CCDC74A: variants seen among roughly 807,000 people sequenced by gnomAD.
CCDC74A encodes coiled-coil domain containing 74A.
In CCDC74A, 38 loss-of-function variants were observed where a neutral mutation model predicts 37.6. The observed-to-expected ratio is 1.01, with a 90% confidence interval of 0.78 to 1.33. The LOEUF (loss-of-function observed/expected upper bound fraction) is 1.33, where lower values mean the gene tolerates loss of function less well. Ranked by LOEUF, CCDC74A falls within the 40% of genes most tolerant of loss-of-function variation. CCDC74A has a pLI of 0.00. For missense variants in CCDC74A, 340 were observed against 403.4 expected, an observed-to-expected ratio of 0.84 and a Z score of 1.35; for synonymous variants, 134 against 165.2, an observed-to-expected ratio of 0.81 and a Z score of 1.45.
In CCDC74A at chr2:131,528,114, A is replaced by G; in HGVS notation, c.144A>G (p.Lys48=). The G allele has an allele frequency of 1.2e-6, 2 of 1,613,754 alleles. No individual in the cohort carries two copies. Among genetic ancestry groups the G allele is most frequent in the Non-Finnish European group, 1.7e-6 (2 of 1,179,812 alleles). Residue 48 remains lysine, a synonymous_variant, in exon 1 of 8, where the codon AAA becomes AAG. Coordinates refer to ENST00000409856, the MANE Select transcript of CCDC74A (RefSeq NM_001258306.3). ...AGCTCAGGCAGAGCGACCCGCAGAA[A>G]CGGAACCTGGACCTGGAGAAAAGCC... ...SPQLRQSDPQ[K]RNLDLEKSLQ... is the part of the protein sequence containing the mutation.
intron 2 of CCDC74A, chr2:131,530,063 C>T: frequency 1.3e-6 from 2 of 1,550,426 alleles, no homozygotes; most frequent in Non-Finnish European, 1.7e-6. Context: ...ATTTCCAGCC[C>T]TATGGCTCTG....
upstream of CCDC74A, among the ~76,000 whole-genome samples, chr2:131,522,679 C>G (rs1266130108): frequency 1.3e-5 from 2 of 152,174 alleles, no homozygotes; most frequent in African/African-American, 2.4e-5. Context: ...ATCCCATTCC[C>G]TGGATCCCAT....
rs1389994584 is a variant in CCDC74A, at chr2:131,527,947, G to C, written c.-24G>C. ...CACTGAGCCGGGGTGCAGTGGCAGCGGGAGAGTACCTGGCGATGGCGATAT... is the reference window on the plus strand; with the variant it reads ...CACTGAGCCGGGGTGCAGTGGCAGCCGGAGAGTACCTGGCGATGGCGATAT... On this transcript the variant is annotated 5_prime_UTR_variant, in exon 1 of 8. Transcript: ENST00000409856. 1 of 1,415,948 alleles carries C rather than the reference G, an allele frequency of 7.1e-7. No homozygotes were observed. The highest frequency in any genetic ancestry group is 9.2e-7 in the Non-Finnish European group (1 of 1,081,680). The allele number at this position is 1,415,948 out of a possible 1,614,324, so 87.7% of individuals were successfully genotyped here.
rs775886931 is a variant in CCDC74A at position 131,528,370 on chromosome 2, G to T, written c.250+150G>T. Reference sequence around the variant, plus strand: ...CGGTAAGCCCGCCCTGCCACGCTGAGCTGTCCCCTCCTCCCAGAGGGAGAC... The same window carrying T: ...CGGTAAGCCCGCCCTGCCACGCTGATCTGTCCCCTCCTCCCAGAGGGAGAC... On this transcript the variant is annotated intron_variant, in intron 1 of 7. Transcript: ENST00000409856. 1.9e-6 allele frequency: 3 copies of T among 1,549,122 alleles called. No homozygotes were observed. The South Asian group carries it at 3.6e-5, about 18-fold the overall frequency.
intron 1 of CCDC74A, chr2:131,529,287 C>T: frequency 2.2e-6 from 1 of 464,666 alleles, no homozygotes; most frequent in Non-Finnish European, 4.0e-6. Flanking sequence ...TCTTGAGCCT[C>T]CCCCGCAGTC....
upstream of CCDC74A, among the ~76,000 whole-genome samples, chr2:131,523,776 A>T (rs781169652): frequency 1.3e-5 from 2 of 152,116 alleles, no homozygotes; most frequent in African/African-American, 4.8e-5. Context: ...GAGACAAAGT[A>T]GTGGAGTATG....
upstream of CCDC74A, chr2:131,527,616 T>G (rs1007560581): frequency 7.7e-6 from 2 of 258,412 alleles, no homozygotes; most frequent in African/African-American, 4.5e-5. Flanking sequence ...TGCCTCAGCC[T>G]CCAGAGTAGC....
chr2:131,529,912 G>A lies in CCDC74A; in HGVS notation c.295+221G>A, dbSNP rs543469015. 2.7e-6 allele frequency: 4 copies of A among 1,499,662 alleles called. No homozygotes were observed. In the South Asian group the frequency reaches 5.3e-5, roughly 20 times the overall value. The allele number at this position is 1,499,662 out of a possible 1,614,324, so 92.9% of individuals were successfully genotyped here. A position where few individuals can be genotyped will look rare whatever the true frequency, so the allele number is the denominator to read the frequency against. On this transcript the variant is annotated intron_variant, in intron 2 of 7. Coordinates refer to ENST00000409856, the MANE Select transcript of CCDC74A (RefSeq NM_001258306.3). ...TGCTCTCGGGAAGCCCAGGGCCTGA[G>A]GTCATTGCAGTGGGGAGGTGGGCAC...
rs1386315026 is a variant in CCDC74A, at chr2:131,527,910, G to C, written c.-61G>C. 7.1e-7 allele frequency: 1 copy of C among 1,409,574 alleles called. No individual in the cohort carries two copies. The allele number at this position is 1,409,574 out of a possible 1,614,324, so 87.3% of individuals were successfully genotyped here. A position where few individuals can be genotyped will look rare whatever the true frequency, so the allele number is the denominator to read the frequency against. On this transcript the variant is annotated 5_prime_UTR_variant, in exon 1 of 8. Transcript: ENST00000409856. Reference sequence around the variant, plus strand: ...TCCATGGTGACGGGGCGCCAGGCTAGGGCGGCCTGGCCACTGAGCCGGGGT... The same window carrying C: ...TCCATGGTGACGGGGCGCCAGGCTACGGCGGCCTGGCCACTGAGCCGGGGT...
At chr2:131,531,019 C>T in intron 3 of CCDC74A, among the ~76,000 whole-genome samples, 192 bp downstream of exon 3, 1 of 152,064 alleles carries the variant, frequency 6.6e-6, no homozygotes, top group East Asian at 1.9e-4. Flanking sequence ...GTGGGCAGGA[C>T]CAGGGACCAG....
upstream of CCDC74A, among the ~76,000 whole-genome samples, chr2:131,525,820 G>T (rs1680286258): frequency 7.1e-6 from 1 of 141,796 alleles, no homozygotes; most frequent in Admixed American, 7.7e-5. Context: ...CCGGGTTCAC[G>T]CCATTCTCCT....
rs375349510 is a variant in CCDC74A at position 131,530,281 on chromosome 2, T to C, written c.296-496T>C. 1.3e-5 allele frequency: 20 copies of C among 1,542,840 alleles called. No individual in the cohort carries two copies. In the African/African-American group the frequency reaches 2.6e-4, roughly 20 times the overall value. On this transcript the variant is annotated intron_variant, in intron 2 of 7. Transcript: ENST00000409856. ...GTCTCAAGCTCACTTCCCATTATCT[T>C]TGGGGCTGGGGCTGACATCAGGAGG...
At chr2:131,525,201 T>A (rs796212404), upstream of CCDC74A, among the ~76,000 whole-genome samples, 40 of 152,354 alleles carry the variant, frequency 2.6e-4, no homozygotes, top group African/African-American at 8.7e-4. Flanking sequence ...TTATCTTAAT[T>A]TATTCCTTCT....
chr2:131,529,165 C>T (rs550493551), intron 1 of CCDC74A: 186 of 236,544 alleles, frequency 7.9e-4, no homozygotes, highest in African/African-American at 3.8e-3. Flanking sequence ...CGCCCCGTTC[C>T]CTGGTGCTGC....
chr2:131,529,996 G>T (rs140791204), intron 2 of CCDC74A: 1 of 1,543,066 alleles, frequency 6.5e-7, no homozygotes, highest in Non-Finnish European at 8.8e-7. Flanking sequence ...GAACCCCTGG[G>T]ACAGCCCCTG....
At position 131,530,600 on chromosome 2, in the gene CCDC74A, T is replaced by C; in HGVS notation, c.296-177T>C. 1 of 1,609,912 alleles carries C rather than the reference T, an allele frequency of 6.2e-7. No individual in the cohort carries two copies. ...CCAGATGGCCCCTCAGGAAACCACCTTTCCAGGGCCTCTGCTCCCTTGGGC... is the reference window on the plus strand; with the variant it reads ...CCAGATGGCCCCTCAGGAAACCACCCTTCCAGGGCCTCTGCTCCCTTGGGC... On this transcript the variant is annotated intron_variant, in intron 2 of 7. Transcript: ENST00000409856.
At position 131,532,671 on chromosome 2, in the gene CCDC74A, G is replaced by T; in HGVS notation, c.568G>T (p.Ala190Ser). The T allele has an allele frequency of 6.2e-7, 1 of 1,613,066 alleles. No homozygotes were observed. The highest frequency in any genetic ancestry group is 1.1e-5 in the South Asian group (1 of 91,002). The part of the protein sequence containing the change: ...QHQGRQMGAG[A>S]HPPMILPLPL... ...CCAGGGCAGGCAGATGGGGGCGGGG[G>T]CACACCCCCCAATGATCCTGCCCCT... The change falls in exon 5 of 8, where the codon GCA becomes TCA. Residue 190 changes from alanine (A) to serine (S), a missense_variant. Around this residue, in one of 3 missense-constraint regions of CCDC74A, gnomAD observed 185 missense variants for 231.5 expected, o/e 0.80. Transcript: ENST00000409856.
intron 2 of CCDC74A, chr2:131,530,077 C>T (rs1680969148): frequency 1.9e-6 from 3 of 1,550,300 alleles, no homozygotes; most frequent in Admixed American, 2.0e-5. Context: ...GGCTCTGAGT[C>T]CTCACATGCT....
chr2:131,524,685 T>A (rs1257184883), upstream of CCDC74A, among the ~76,000 whole-genome samples: 3 of 150,660 alleles, frequency 2.0e-5, no homozygotes, highest in East Asian at 5.8e-4. Context: ...TTCCAGGAGG[T>A]TTTTATGGAT....
Sources: gnomAD v4.1 joint callset for allele counts (sites outside exome capture counted in the v4.1 genomes callset) on GRCh38, gnomAD v4.1.1 for gene constraint, gnomAD v4.1.1 regional missense constraint, MANE v1.5 for transcripts, NCBI Gene and HGNC (gene_info 2026-07-23, HGNC 2026-07-21) for gene names.